The following MDGA2 variants were observed in gnomAD, a reference collection of about 807,000 sequenced individuals.
MDGA2 encodes MAM domain containing glycosylphosphatidylinositol anchor 2, also known as MAM domain-containing glycosylphosphatidylinositol anchor protein 2.
A neutral mutation model predicts 117.8 loss-of-function variants in MDGA2; 40 were observed. The ratio of observed to expected loss-of-function variants is 0.34; its 90% CI spans 0.26 to 0.44. The LOEUF (loss-of-function observed/expected upper bound fraction) is 0.44, where lower values mean the gene tolerates loss of function less well. Ranked by LOEUF, MDGA2 falls within the 20% of genes least tolerant of loss-of-function variation. The pLI, the probability that MDGA2 is intolerant of heterozygous loss-of-function variation, is 1.00. For missense variants in MDGA2, 1,123 were observed against 1,250.6 expected, an observed-to-expected ratio of 0.90 and a Z score of 1.54; for synonymous variants, 452 against 439.0, an observed-to-expected ratio of 1.03 and a Z score of -0.37.
chr14:47,497,451 T>C (rs1182798935), intron 1 of MDGA2, among the ~76,000 whole-genome samples: 3 of 151,918 alleles, frequency 2.0e-5, no homozygotes, highest in Non-Finnish European at 4.4e-5. Context: ...AGAGAAGGGG[T>C]CTCACCATGT....
At chr14:46,953,381 A>C (rs145334011) in intron 9 of MDGA2, among the ~76,000 whole-genome samples, 61 of 151,966 alleles carry the variant, frequency 4.0e-4, no homozygotes, top group Admixed American at 7.9e-4. Context: ...CTCCATTGAT[A>C]AAATTCCTAA....
intron 10 of MDGA2, among the ~76,000 whole-genome samples, chr14:46,917,324 C>T (rs1883939518): frequency 6.6e-6 from 1 of 152,178 alleles, no homozygotes; most frequent in Non-Finnish European, 1.5e-5. Flanking sequence ...ACAACACTGA[C>T]AGATGAGTAT....
intron 8 of MDGA2, among the ~76,000 whole-genome samples, chr14:46,961,459 T>G (rs112665550): frequency 7.2e-5 from 11 of 152,288 alleles, no homozygotes; most frequent in African/African-American, 2.6e-4. Context: ...CTTTCTCCAA[T>G]CCTACTTAAT....
At chr14:47,209,329 G>A (rs1459358184) in intron 3 of MDGA2, among the ~76,000 whole-genome samples, 2 of 152,114 alleles carry the variant, frequency 1.3e-5, no homozygotes, top group Non-Finnish European at 2.9e-5. Context: ...ACTAATTGAA[G>A]TGGCCTTCCC....
chr14:47,472,527 A>G (rs1272409115), intron 1 of MDGA2, among the ~76,000 whole-genome samples: 1 of 152,194 alleles, frequency 6.6e-6, no homozygotes, highest in Admixed American at 6.6e-5. Context: ...TCGTGGGACC[A>G]CAAGCAGACC....
intron 1 of MDGA2, among the ~76,000 whole-genome samples, chr14:47,406,464 G>A (rs2138475329): frequency 6.8e-6 from 1 of 146,016 alleles, no homozygotes; most frequent in East Asian, 1.9e-4. Flanking sequence ...CAGTAGATTT[G>A]GAAACGAAAT....
chr14:47,596,953 G>A (rs1352108858), intron 1 of MDGA2, among the ~76,000 whole-genome samples: 1 of 152,108 alleles, frequency 6.6e-6, no homozygotes, highest in Non-Finnish European at 1.5e-5. Flanking sequence ...TTCTGTAAGA[G>A]CCCTGCTCTG....
intron 1 of MDGA2, among the ~76,000 whole-genome samples, chr14:47,577,480 A>C (rs1896137101): frequency 6.6e-6 from 1 of 152,188 alleles, no homozygotes; most frequent in Non-Finnish European, 1.5e-5. Flanking sequence ...CAGCAAAAGA[A>C]ACTATCATCA....
chr14:47,399,144 T>C (rs956205717), intron 1 of MDGA2, among the ~76,000 whole-genome samples: 2 of 152,100 alleles, frequency 1.3e-5, no homozygotes, highest in Non-Finnish European at 1.5e-5. Flanking sequence ...CTTGCAAATA[T>C]CATAGGCAAC....
intron 1 of MDGA2, among the ~76,000 whole-genome samples, chr14:47,514,251 C>T (rs144965100): frequency 2.4e-3 from 365 of 152,180 alleles, no homozygotes; most frequent in African/African-American, 8.4e-3. Context: ...CAACCGGCCT[C>T]ATTTTTTAAG....
chr14:47,165,312 T>C (rs771214859), intron 3 of MDGA2, among the ~76,000 whole-genome samples: 15 of 152,228 alleles, frequency 9.9e-5, no homozygotes, highest in Non-Finnish European at 2.1e-4. Context: ...TCAATAACTT[T>C]GTAAAAGACC....
intron 1 of MDGA2, among the ~76,000 whole-genome samples, chr14:47,421,310 A>C (rs906268688): frequency 2.0e-5 from 3 of 152,172 alleles, no homozygotes; most frequent in Non-Finnish European, 2.9e-5. Context: ...TCAGCCAAGA[A>C]AAAACAAAAC....
At chr14:47,227,776 C>T (rs1886559108) in intron 2 of MDGA2, among the ~76,000 whole-genome samples, 1 of 152,122 alleles carries the variant, frequency 6.6e-6, no homozygotes, top group Admixed American at 6.6e-5. Context: ...TGAGTTTAGT[C>T]TATTTTGGTG....
At chr14:47,382,144 T>C (rs566371863) in intron 1 of MDGA2, among the ~76,000 whole-genome samples, 1 of 152,196 alleles carries the variant, frequency 6.6e-6, no homozygotes, top group Non-Finnish European at 1.5e-5. Flanking sequence ...GAAAACTGGC[T>C]AGCCATACGT....
At chr14:47,121,785 T>C (rs1881666049) in intron 5 of MDGA2, among the ~76,000 whole-genome samples, 1 of 152,148 alleles carries the variant, frequency 6.6e-6, no homozygotes, top group Non-Finnish European at 1.5e-5. Context: ...GCATCTTCTC[T>C]TAAGTTAGGA....
chr14:47,270,671 T>A (rs1448640472), intron 2 of MDGA2, among the ~76,000 whole-genome samples: 1 of 152,030 alleles, frequency 6.6e-6, no homozygotes, highest in African/African-American at 2.4e-5. Flanking sequence ...GATGGAAAAA[T>A]ACAAAAACTT....
At chr14:47,000,333 T>TTA (rs199648904) in intron 8 of MDGA2, among the ~76,000 whole-genome samples, 37,293 of 127,720 alleles carry the variant, frequency 0.29, 6,118 homozygotes, top group East Asian at 0.57. Flanking sequence ...ATATATATAT[T>TTA]TATATATATA....
chr14:47,637,695 C>A (rs191196377), intron 1 of MDGA2, among the ~76,000 whole-genome samples: 3 of 152,262 alleles, frequency 2.0e-5, no homozygotes, highest in Non-Finnish European at 2.9e-5. Flanking sequence ...AAAACTCATG[C>A]GAATTCACCA....
intron 1 of MDGA2, among the ~76,000 whole-genome samples, chr14:47,469,723 C>T (rs576752129): frequency 5.9e-5 from 9 of 152,146 alleles, no homozygotes; most frequent in South Asian, 4.1e-4. Flanking sequence ...CCTGAGGAAT[C>T]GCCACACTGA....
Sources: gnomAD v4.1 joint callset for allele counts (sites outside exome capture counted in the v4.1 genomes callset) on GRCh38, gnomAD v4.1.1 for gene constraint, MANE v1.5 for transcripts, NCBI Gene and HGNC (gene_info 2026-07-23, HGNC 2026-07-21) for gene names.